The following AGBL4 variants were observed in gnomAD, a reference collection of about 807,000 sequenced individuals.
AGBL4 encodes the protein cytosolic carboxypeptidase 6.
A neutral mutation model predicts 66.4 loss-of-function variants in AGBL4; 58 were observed. The ratio of observed to expected loss-of-function variants is 0.87; its 90% CI spans 0.71 to 1.09. The LOEUF is 1.09. Among genes scored for constraint, AGBL4 ranks in the 50% least tolerant of loss-of-function variants. AGBL4 has a pLI of 0.00. For missense variants in AGBL4, 579 were observed against 631.0 expected, an observed-to-expected ratio of 0.92 and a Z score of 0.88; for synonymous variants, 234 against 222.9, an observed-to-expected ratio of 1.05 and a Z score of -0.44.
chr1:48,631,973 G>A (rs1404622016), intron 9 of AGBL4, among the ~76,000 whole-genome samples: 1 of 152,096 alleles, frequency 6.6e-6, no homozygotes, highest in African/African-American at 2.4e-5. Flanking sequence ...GTATTTACTT[G>A]TTTAAAGTCT....
intron 3 of AGBL4, among the ~76,000 whole-genome samples, chr1:49,604,465 G>A (rs979211260): frequency 6.6e-6 from 1 of 152,102 alleles, no homozygotes; most frequent in African/African-American, 2.4e-5. Context: ...ATAGATACTG[G>A]ATATTAGTCT....
intron 4 of AGBL4, among the ~76,000 whole-genome samples, chr1:49,231,213 C>A (rs538308565): frequency 6.6e-6 from 1 of 152,284 alleles, no homozygotes; most frequent in Admixed American, 6.5e-5. Context: ...AGGAAAGTTA[C>A]ACAAATTGCT....
intron 5 of AGBL4, among the ~76,000 whole-genome samples, chr1:48,901,961 G>A (rs913628131): frequency 7.9e-5 from 12 of 152,296 alleles, no homozygotes; most frequent in South Asian, 2.1e-4. Context: ...CAATCATGGC[G>A]GAAGGTGAAG....
intron 4 of AGBL4, among the ~76,000 whole-genome samples, chr1:49,137,719 G>A (rs1223705961): frequency 2.6e-5 from 4 of 152,048 alleles, no homozygotes; most frequent in Admixed American, 2.0e-4. Flanking sequence ...CAAAACAATT[G>A]CTAATAAGAG....
At position 49,346,877 on chromosome 1, in the gene AGBL4, C is replaced by G. The variant is rs1645642042; in HGVS notation, c.283-101013G>C. On this transcript the variant is annotated intron_variant, in intron 3 of 13. Coordinates refer to ENST00000371839, the MANE Select transcript of AGBL4 (RefSeq NM_032785.4). Reference sequence around the variant, plus strand: ...AAGCTGGGTAAAATGAGACTGAGACCTGCTGGACTGCATTTCCAGGAGCTT... The same window carrying G: ...AAGCTGGGTAAAATGAGACTGAGACGTGCTGGACTGCATTTCCAGGAGCTT... Among the ~76,000 whole-genome samples, 4 of 152,150 alleles carry G rather than the reference C, an allele frequency of 2.6e-5. No homozygotes were observed. In the South Asian group the frequency reaches 8.3e-4, roughly 32 times the overall value.
chr1:49,662,476 GAA>G (rs1646288868), intron 3 of AGBL4, among the ~76,000 whole-genome samples: 1 of 152,014 alleles, frequency 6.6e-6, no homozygotes, highest in East Asian at 1.9e-4. Context: ...GAATTTAGGA[GAA>G]CTTTCCACTC....
chr1:48,598,032 G>C (rs1287829891), intron 9 of AGBL4, among the ~76,000 whole-genome samples: 1 of 152,184 alleles, frequency 6.6e-6, no homozygotes, highest in African/African-American at 2.4e-5. Context: ...AAGGATGAGT[G>C]TATTGTTTTC....
intron 6 of AGBL4, among the ~76,000 whole-genome samples, chr1:48,722,178 T>C (rs1289751813): frequency 6.6e-6 from 1 of 152,046 alleles, no homozygotes; most frequent in Non-Finnish European, 1.5e-5. Context: ...GGGGGGTCTT[T>C]TGTATTTTAA....
At chr1:48,733,472 T>C (rs763633725) in intron 6 of AGBL4, among the ~76,000 whole-genome samples, 1 of 152,322 alleles carries the variant, frequency 6.6e-6, no homozygotes, top group South Asian at 2.1e-4. Context: ...ATCTCTTTGA[T>C]TGATGCGAAC....
At chr1:49,392,464 C>T (rs559866383) in intron 3 of AGBL4, among the ~76,000 whole-genome samples, 1 of 152,288 alleles carries the variant, frequency 6.6e-6, no homozygotes, top group African/African-American at 2.4e-5. Context: ...CAATGTGTAA[C>T]TTCTGTTTTT....
rs1004177187 is a variant in AGBL4, at chr1:49,064,230, A to G, written c.378-18430T>C. Among the ~76,000 whole-genome samples, 13 of 152,310 alleles carry G rather than the reference A, an allele frequency of 8.5e-5. No homozygotes were observed. The East Asian group carries it at 1.5e-3, about 18-fold the overall frequency. Reference sequence around the variant, plus strand: ...TGTAGTGGACGTTACTAAATTTTGGATGATCCACATCTATTTCCTCTTCTC... The same window carrying G: ...TGTAGTGGACGTTACTAAATTTTGGGTGATCCACATCTATTTCCTCTTCTC... On this transcript the variant is annotated intron_variant, in intron 4 of 13. Coordinates refer to ENST00000371839, the MANE Select transcript of AGBL4 (RefSeq NM_032785.4).
At chr1:49,143,836 T>C (rs1371638477) in intron 4 of AGBL4, among the ~76,000 whole-genome samples, 1 of 152,214 alleles carries the variant, frequency 6.6e-6, no homozygotes, top group East Asian at 1.9e-4. Context: ...AGCCCTAACA[T>C]ATCATTTTCC....
chr1:49,074,387 C>T (rs181488180), intron 4 of AGBL4, among the ~76,000 whole-genome samples: 3 of 152,312 alleles, frequency 2.0e-5, no homozygotes, highest in Admixed American at 2.0e-4. Flanking sequence ...GCTCACCCTC[C>T]ATGGGCTGCA....
At chr1:48,795,795 G>A (rs1666968208) in intron 6 of AGBL4, among the ~76,000 whole-genome samples, 1 of 152,174 alleles carries the variant, frequency 6.6e-6, no homozygotes, top group African/African-American at 2.4e-5. Flanking sequence ...TGGGATTATA[G>A]GCATCTGCCA....
At chr1:49,395,333 T>A (rs762116724) in intron 3 of AGBL4, among the ~76,000 whole-genome samples, 34 of 152,174 alleles carry the variant, frequency 2.2e-4, no homozygotes, top group Non-Finnish European at 3.1e-4. Context: ...GGGCTTTTTT[T>A]AAAAAATAAT....
At chr1:49,601,568 T>C (rs2124164745) in intron 3 of AGBL4, among the ~76,000 whole-genome samples, 1 of 152,270 alleles carries the variant, frequency 6.6e-6, no homozygotes. Flanking sequence ...AACCATGTGA[T>C]CTGTGACAAA....
intron 6 of AGBL4, among the ~76,000 whole-genome samples, chr1:48,692,127 C>T (rs921701655): frequency 8.5e-5 from 13 of 152,116 alleles, no homozygotes; most frequent in African/African-American, 3.1e-4. Flanking sequence ...TACCTCCCTC[C>T]CATTCAAAGT....
At chr1:49,834,845 G>C (rs1645803242) in intron 2 of AGBL4, among the ~76,000 whole-genome samples, 1 of 152,128 alleles carries the variant, frequency 6.6e-6, no homozygotes, top group African/African-American at 2.4e-5. Context: ...TAGTCATTCA[G>C]GAGCAGGTTG....
intron 2 of AGBL4, chr1:49,844,634 A>G (rs1331351103): frequency 2.6e-6 from 4 of 1,511,418 alleles, no homozygotes; most frequent in African/African-American, 2.8e-5. Flanking sequence ...TCTCACCACA[A>G]ACTCTTTTGC....
Sources: allele counts gnomAD v4.1 joint callset (sites outside exome capture counted in the v4.1 genomes callset), GRCh38; gene constraint gnomAD v4.1.1; transcripts MANE v1.5; gene names NCBI Gene and HGNC (gene_info 2026-07-23, HGNC 2026-07-21).